The following ZC3H14 variants were observed in gnomAD, a reference collection of about 807,000 sequenced individuals.
The protein encoded by ZC3H14 is zinc finger CCCH domain-containing protein 14.
In ZC3H14, 31 loss-of-function variants were observed where a neutral mutation model predicts 92.4. That is an observed-to-expected ratio of 0.34 (90% CI 0.25 to 0.45). The LOEUF (loss-of-function observed/expected upper bound fraction) is 0.45, where lower values mean the gene tolerates loss of function less well. ZC3H14 is among the 20% of genes least tolerant of loss of function. ZC3H14 has a pLI of 1.00. For synonymous variants in ZC3H14, 321 were observed against 300.9 expected (o/e 1.07, Z -0.69); for missense variants, 781 against 897.3 (o/e 0.87, Z 1.66).
Position 88,615,784 on chromosome 14 carries a change from T to G in ZC3H14, c.*4033T>G. On this transcript the variant is annotated 3_prime_UTR_variant, in exon 17 of 17. Transcript: ENST00000251038. ...GTTTTTCTTCTCTGTAATTCTGGTC[T>G]CAAAGTTAATTTCTGTAGTCATCTC... 1 of 1,602,376 alleles carries G rather than the reference T, an allele frequency of 6.2e-7. No individual in the cohort carries two copies. The highest frequency in any genetic ancestry group is 8.5e-7 in the Non-Finnish European group (1 of 1,174,312).
chr14:88,567,752 A>G (rs2079891372), intron 2 of ZC3H14: 2 of 411,312 alleles, frequency 4.9e-6, no homozygotes, highest in Non-Finnish European at 9.2e-6. Context: ...ATTAATAAGC[A>G]TTATTAAAAA....
intron 12 of ZC3H14, among the ~76,000 whole-genome samples, chr14:88,606,328 C>T (rs1333917588): frequency 6.6e-6 from 1 of 152,110 alleles, no homozygotes; most frequent in Non-Finnish European, 1.5e-5. Context: ...GATGGGTGTG[C>T]ACTTGCTTTC....
In ZC3H14 at chr14:88,626,906, T is replaced by C. The variant is rs776065027; in HGVS notation, c.*15155T>C. 2 of 1,614,022 alleles carry C rather than the reference T, an allele frequency of 1.2e-6. No homozygotes were observed. Among genetic ancestry groups the C allele is most frequent in the Admixed American group, 3.3e-5 (2 of 60,032 alleles). On this transcript the variant is annotated 3_prime_UTR_variant, in exon 17 of 17. Transcript: ENST00000251038. ...TCCAGTGTGCTCAGTAGCCCTTTTTTGCTAAGAAGAGCTCTTCCTGCCAGG... is the reference window on the plus strand; with the variant it reads ...TCCAGTGTGCTCAGTAGCCCTTTTTCGCTAAGAAGAGCTCTTCCTGCCAGG...
At position 88,575,841 on chromosome 14, in the gene ZC3H14, C is replaced by T. The variant is rs761079903; in HGVS notation, c.1024C>T (p.Pro342Ser). ...VSVPAKPERR[P>S]SLPPSKQANK... ...AAATACCTTTCTTAACTCTTTTAGA[C>T]CTTCTCTTCCACCTTCTAAACAAGC... The change falls in exon 8 of 17, where the codon CCT becomes TCT. Residue 342 changes from proline to serine, a missense_variant and splice_region_variant. Physicochemically the swap from Pro to Ser is moderately conservative, Grantham distance 74. Around this residue, in one of 3 missense-constraint regions of ZC3H14, gnomAD observed 454 missense variants for 438.5 expected, o/e 1.04. Transcript: ENST00000251038. 1.9e-6 allele frequency: 3 copies of T among 1,612,142 alleles called. No homozygotes were observed. The highest frequency in any genetic ancestry group is 2.2e-5 in the East Asian group (1 of 44,824).
chr14:88,611,762 T>G lies in ZC3H14; in HGVS notation c.*11T>G. On this transcript the variant is annotated 3_prime_UTR_variant, in exon 17 of 17. Transcript: ENST00000251038. ...TCATTCAGCGAATAGCACCCAGTCC[T>G]GCCTGGCAGAAGATCATGCAGTTTG... 1 of 1,614,028 alleles carries G rather than the reference T, an allele frequency of 6.2e-7. No individual in the cohort carries two copies. Among genetic ancestry groups the G allele is most frequent in the South Asian group, 1.1e-5 (1 of 91,078 alleles).
chr14:88,582,487 C>G (rs1473150541), intron 9 of ZC3H14, among the ~76,000 whole-genome samples: 7 of 152,112 alleles, frequency 4.6e-5, no homozygotes, highest in African/African-American at 1.7e-4. Context: ...TAGGGATACC[C>G]AGTGTGTGTG....
chr14:88,563,224 G>T (rs780905101), intron 1 of ZC3H14, 55 bp downstream of exon 1: 12 of 1,576,788 alleles, frequency 7.6e-6, no homozygotes, highest in Non-Finnish European at 9.4e-6. Flanking sequence ...GCGGGCGGTT[G>T]TCAGGAGTAA....
chr14:88,578,184 A>G (rs1012903019), intron 9 of ZC3H14, 44 bp downstream of exon 9: 1 of 1,604,748 alleles, frequency 6.2e-7, no homozygotes, highest in South Asian at 1.1e-5. Flanking sequence ...CAGTTTTTTC[A>G]TGAGGCATTG....
chr14:88,607,269 C>G lies in ZC3H14; in HGVS notation c.1774C>G (p.Gln592Glu), dbSNP rs1222421940. ...TGAGATGAGTGAACTGAGTGTGGCA[C>G]AGAAACCAGAAAAACTTTTGGAGCG... ...NAEMSELSVAQKPEKLLERCK... is the reference protein window; with the variant it reads ...NAEMSELSVAEKPEKLLERCK... Residue 592 changes from glutamine to glutamate, a missense_variant, in exon 13 of 17, where the codon CAG (glutamine) becomes GAG (glutamate). This residue lies in a region of ZC3H14 where 221 missense variants were observed against 304.7 expected (regional missense o/e 0.73). Transcript: ENST00000251038. 6.2e-7 allele frequency: 1 copy of G among 1,614,054 alleles called. No individual in the cohort carries two copies. The highest frequency in any genetic ancestry group is 1.1e-5 in the South Asian group (1 of 91,078).
intron 12 of ZC3H14, among the ~76,000 whole-genome samples, chr14:88,605,388 T>C (rs1245040875): frequency 6.6e-6 from 1 of 152,074 alleles, no homozygotes; most frequent in East Asian, 1.9e-4. Flanking sequence ...CTGGAGTGCA[T>C]TGGCACAGTC....
intron 2 of ZC3H14, among the ~76,000 whole-genome samples, chr14:88,567,124 A>ATTTTTTT (rs1555395154): frequency 0.017 from 2,421 of 145,268 alleles, 37 homozygotes; most frequent in African/African-American, 0.035. Context: ...TTATTTATTT[A>ATTTTTTT]TTTTTTTTTG....
intron 9 of ZC3H14, among the ~76,000 whole-genome samples, chr14:88,579,153 A>G (rs1393687832): frequency 1.3e-5 from 2 of 152,038 alleles, no homozygotes; most frequent in Admixed American, 6.6e-5. Context: ...ATATTTTTTC[A>G]TTTCTTCAAA....
intron 7 of ZC3H14, among the ~76,000 whole-genome samples, chr14:88,575,317 T>A (rs746751344): frequency 7.2e-5 from 11 of 152,082 alleles, no homozygotes; most frequent in Non-Finnish European, 1.2e-4. Context: ...TGCTTAACAT[T>A]GGAGAGGATT....
chr14:88,609,867 T>TG, intron 15 of ZC3H14, 64 bp downstream of exon 15: 1 of 1,544,800 alleles, frequency 6.5e-7, no homozygotes, highest in Non-Finnish European at 8.9e-7. Flanking sequence ...ATTTAACTTC[T>TG]TTTTTGTCAG....
intron 9 of ZC3H14, chr14:88,586,641 C>T (rs1001355309): frequency 2.0e-5 from 3 of 152,158 alleles, no homozygotes; most frequent in East Asian, 1.9e-4. Context: ...AGTTTCACTA[C>T]GATGTGTCTA....
intron 8 of ZC3H14, among the ~76,000 whole-genome samples, chr14:88,577,762 G>A (rs1368827579): frequency 6.6e-6 from 1 of 151,964 alleles, no homozygotes; most frequent in Non-Finnish European, 1.5e-5. Context: ...TAGAAACGAG[G>A]TTTTACCATG....
Position 88,626,815 on chromosome 14 carries a change from T to G in ZC3H14, c.*15064T>G, listed in dbSNP as rs923243070. The G allele has an allele frequency of 6.2e-7, 1 of 1,611,750 alleles. No homozygotes were observed. Reference sequence around the variant, plus strand: ...GAATGTAAAGTAGTCAAAGTCACACTATGTGCATTTTAAGAGACATACTGC... The same window carrying G: ...GAATGTAAAGTAGTCAAAGTCACACGATGTGCATTTTAAGAGACATACTGC... On this transcript the variant is annotated 3_prime_UTR_variant, in exon 17 of 17. Transcript: ENST00000251038.
Position 88,627,179 on chromosome 14 carries a change from C to G in ZC3H14, c.*15428C>G, listed in dbSNP as rs2090041344. The G allele has an allele frequency of 1.3e-6, 1 of 750,730 alleles. No homozygotes were observed. The highest frequency in any genetic ancestry group is 2.2e-6 in the Non-Finnish European group (1 of 455,504). The allele number at this position is 750,730 out of a possible 1,614,324, so 46.5% of individuals were successfully genotyped here. Reference sequence around the variant, plus strand: ...GAGGCCAATGGCCCCTGCTCTACTACCTAGCAATACATGATTTACAATTAT... The same window carrying G: ...GAGGCCAATGGCCCCTGCTCTACTAGCTAGCAATACATGATTTACAATTAT... On this transcript the variant is annotated 3_prime_UTR_variant, in exon 17 of 17. Transcript: ENST00000251038.
chr14:88,609,099 G>T (rs2086105065), intron 13 of ZC3H14, 168 bp from the exon 14 acceptor site: 2 of 792,916 alleles, frequency 2.5e-6, no homozygotes, highest in Admixed American at 5.6e-5. Context: ...ATAAATGATT[G>T]TGTCCTATTT....
Sources: allele counts gnomAD v4.1 joint callset (sites outside exome capture counted in the v4.1 genomes callset), GRCh38; gene constraint gnomAD v4.1.1; regional missense constraint gnomAD v4.1.1; transcripts MANE v1.5; gene names NCBI Gene and HGNC (gene_info 2026-07-23, HGNC 2026-07-21).